Variants in KCTD8 observed in about 807,000 individuals in gnomAD.
KCTD8 encodes the protein potassium channel tetramerization domain containing 8, also known as BTB/POZ domain-containing protein KCTD8.
In KCTD8, 27 loss-of-function variants were observed where a neutral mutation model predicts 31.5. The observed-to-expected ratio is 0.86, with a 90% CI of 0.63 to 1.18. The LOEUF (loss-of-function observed/expected upper bound fraction) is 1.18. KCTD8 is among the 50% of genes most tolerant of loss of function. The probability of loss-of-function intolerance (pLI) is 0.00; values close to 1 mark genes in which losing one functional copy is unlikely to be tolerated. For missense variants in KCTD8, 658 were observed against 647.7 expected, an observed-to-expected ratio of 1.02 and a Z score of -0.17; for synonymous variants, 290 against 280.0, an observed-to-expected ratio of 1.04 and a Z score of -0.36.
chr4:44,354,474 C>G (rs1266746394), intron 1 of KCTD8, among the ~76,000 whole-genome samples: 2 of 152,118 alleles, frequency 1.3e-5, no homozygotes, highest in African/African-American at 2.4e-5. Flanking sequence ...ACCTCCTCCA[C>G]TTGTCCAGAT....
At chr4:44,440,142 A>C (rs949271862) in intron 1 of KCTD8, among the ~76,000 whole-genome samples, 1 of 151,972 alleles carries the variant, frequency 6.6e-6, no homozygotes, top group Non-Finnish European at 1.5e-5. Context: ...CATGTTGGCC[A>C]GGCTGGTCTT....
intron 1 of KCTD8, among the ~76,000 whole-genome samples, chr4:44,184,252 G>C (rs554843402): frequency 6.6e-6 from 1 of 152,252 alleles, no homozygotes; most frequent in South Asian, 2.1e-4. Flanking sequence ...TAATTAATCA[G>C]TAAAACTGCC....
intron 1 of KCTD8, among the ~76,000 whole-genome samples, chr4:44,265,923 T>C (rs1359087967): frequency 6.6e-6 from 1 of 152,184 alleles, no homozygotes; most frequent in Non-Finnish European, 1.5e-5. Flanking sequence ...CTGATTGGTG[T>C]ACCTGAAAGT....
chr4:44,282,576 G>A (rs561411915), intron 1 of KCTD8, among the ~76,000 whole-genome samples: 1 of 152,210 alleles, frequency 6.6e-6, no homozygotes, highest in South Asian at 2.1e-4. Flanking sequence ...AAAACATGTT[G>A]AAAGGTGAGA....
intron 1 of KCTD8, among the ~76,000 whole-genome samples, chr4:44,320,921 G>C (rs958807966): frequency 2.6e-5 from 4 of 151,884 alleles, no homozygotes; most frequent in African/African-American, 4.8e-5. Context: ...GCAAGGAAAA[G>C]GATAACAAGA....
chr4:44,371,188 T>C (rs1577641202), intron 1 of KCTD8, among the ~76,000 whole-genome samples: 2 of 152,334 alleles, frequency 1.3e-5, no homozygotes, highest in Non-Finnish European at 2.9e-5. Context: ...CCCCTTTGGT[T>C]GTAATCATGC....
chr4:44,281,497 T>G (rs141595734), intron 1 of KCTD8, among the ~76,000 whole-genome samples: 133 of 152,266 alleles, frequency 8.7e-4, no homozygotes, highest in African/African-American at 3.0e-3. Flanking sequence ...AACAAGCTGA[T>G]GTGTACACTC....
At chr4:44,391,937 A>C (rs1403696919) in intron 1 of KCTD8, among the ~76,000 whole-genome samples, 1 of 151,972 alleles carries the variant, frequency 6.6e-6, no homozygotes, top group Non-Finnish European at 1.5e-5. Flanking sequence ...ATTTGAGCAT[A>C]AGTTAAAGCC....
At chr4:44,215,028 A>G (rs1714608360) in intron 1 of KCTD8, among the ~76,000 whole-genome samples, 1 of 152,184 alleles carries the variant, frequency 6.6e-6, no homozygotes, top group Non-Finnish European at 1.5e-5. Context: ...GCCCCCACCC[A>G]GGAAATGACT....
At chr4:44,394,156 A>G (rs1720439856) in intron 1 of KCTD8, among the ~76,000 whole-genome samples, 1 of 152,080 alleles carries the variant, frequency 6.6e-6, no homozygotes, top group South Asian at 2.1e-4. Flanking sequence ...GTAAACTCAA[A>G]TGATTCAGAA....
chr4:44,219,568 G>C (rs960180461), intron 1 of KCTD8, among the ~76,000 whole-genome samples: 1 of 152,166 alleles, frequency 6.6e-6, no homozygotes, highest in Admixed American at 6.5e-5. Flanking sequence ...GAATGCCAAG[G>C]ACTGACGGCT....
intron 1 of KCTD8, among the ~76,000 whole-genome samples, chr4:44,185,395 C>G (rs1171030660): frequency 6.6e-6 from 1 of 152,198 alleles, no homozygotes; most frequent in African/African-American, 2.4e-5. Flanking sequence ...AATGCCATTG[C>G]TAAATATATA....
At chr4:44,176,434 G>A (rs1255598950) in intron 1 of KCTD8, among the ~76,000 whole-genome samples, 2 of 152,164 alleles carry the variant, frequency 1.3e-5, no homozygotes, top group Non-Finnish European at 2.9e-5. Flanking sequence ...AGATTTCAAT[G>A]TGCATCCAAG....
intron 1 of KCTD8, among the ~76,000 whole-genome samples, chr4:44,371,218 G>C (rs1433887516): frequency 6.6e-6 from 1 of 152,136 alleles, no homozygotes; most frequent in Non-Finnish European, 1.5e-5. Context: ...ATTGGATGAT[G>C]CCTGCCTACT....
intron 1 of KCTD8, among the ~76,000 whole-genome samples, chr4:44,322,827 C>G (rs1718330617): frequency 6.6e-6 from 1 of 152,010 alleles, no homozygotes; most frequent in East Asian, 1.9e-4. Flanking sequence ...TTTCTCAGCA[C>G]TATTTATTGA....
At chr4:44,386,036 TAAAAA>T (rs150209087) in intron 1 of KCTD8, among the ~76,000 whole-genome samples, 1 of 149,654 alleles carries the variant, frequency 6.7e-6, no homozygotes, top group Non-Finnish European at 1.5e-5. Flanking sequence ...AGTTACTACT[TAAAAA>T]AAAACGGTTG....
intron 1 of KCTD8, among the ~76,000 whole-genome samples, chr4:44,343,624 G>A (rs1718962977): frequency 6.6e-6 from 1 of 152,058 alleles, no homozygotes; most frequent in Admixed American, 6.5e-5. Flanking sequence ...ACAATAAAGT[G>A]AAGTCCATTA....
At chr4:44,187,990 C>CACAT (rs1553891508) in intron 1 of KCTD8, among the ~76,000 whole-genome samples, 42 of 142,242 alleles carry the variant, frequency 3.0e-4, no homozygotes, top group Admixed American at 4.9e-4. Flanking sequence ...CACACACACA[C>CACAT]ATATATATAT....
chr4:44,233,230 G>A (rs1051125364), intron 1 of KCTD8, among the ~76,000 whole-genome samples: 1 of 151,792 alleles, frequency 6.6e-6, no homozygotes, highest in Non-Finnish European at 1.5e-5. Flanking sequence ...TCTGATCTGG[G>A]TTACTTTTTG....
Sources: gnomAD v4.1 joint callset for allele counts (sites outside exome capture counted in the v4.1 genomes callset) on GRCh38, gnomAD v4.1.1 for gene constraint, MANE v1.5 for transcripts, NCBI Gene and HGNC (gene_info 2026-07-23, HGNC 2026-07-21) for gene names.